The following SHROOM4 variants were observed in gnomAD, a reference collection of about 807,000 sequenced individuals.
The protein encoded by SHROOM4 is protein Shroom4.
Under a neutral mutation model 80.3 loss-of-function variants are expected in SHROOM4, and 17 were observed. That is an observed-to-expected ratio of 0.21 (90% CI 0.14 to 0.32). The LOEUF (loss-of-function observed/expected upper bound fraction) is 0.32. Among genes scored for constraint, SHROOM4 ranks in the 10% least tolerant of loss-of-function variants. The pLI, the probability that SHROOM4 is intolerant of heterozygous loss-of-function variation, is 1.00. For missense variants in SHROOM4, 993 were observed against 1,140.3 expected, an observed-to-expected ratio of 0.87 and a Z score of 1.86; for synonymous variants, 400 against 437.5, an observed-to-expected ratio of 0.91 and a Z score of 1.07.
chrX:50,633,955 GTCAGGTGCT>G lies in SHROOM4; in HGVS notation c.2109_2117del (p.Lys703_Asp706delinsAsn). 8.3e-7 allele frequency: 1 copy of G among 1,211,861 alleles called. No homozygotes were observed. The highest frequency in any genetic ancestry group is 1.1e-6 in the Non-Finnish European group (1 of 895,507). On this transcript the variant is annotated inframe_deletion, in exon 4 of 9. Coordinates refer to ENST00000376020, the MANE Select transcript of SHROOM4 (RefSeq NM_020717.5). ...CTTTCTCAGGGTCTGAGGAGGATGG[GTCAGGTGCT>G]TTCCACCAGGTGTTCAGGCCCAAAG...
chrX:50,780,932 G>T (rs1435962756), intron 1 of SHROOM4, among the ~76,000 whole-genome samples: 2 of 111,269 alleles, frequency 1.8e-5, no homozygotes, highest in Non-Finnish European at 3.8e-5. Flanking sequence ...TCTGTAAGCT[G>T]GGGGGAAAGC....
intron 1 of SHROOM4, among the ~76,000 whole-genome samples, chrX:50,799,280 A>G (rs999613317): frequency 1.4e-4 from 16 of 112,781 alleles, no homozygotes; most frequent in African/African-American, 5.2e-4. Flanking sequence ...TGATTGTGCT[A>G]AGGCCCTTTC....
intron 2 of SHROOM4, among the ~76,000 whole-genome samples, chrX:50,673,174 A>T (rs1358713642): frequency 1.8e-5 from 2 of 112,079 alleles, no homozygotes; most frequent in African/African-American, 6.5e-5. Flanking sequence ...TGAATTATCT[A>T]AGTTATGTTT....
intron 1 of SHROOM4, among the ~76,000 whole-genome samples, chrX:50,813,154 CGGCAGT>C (rs1569549444): frequency 3.7e-5 from 3 of 81,013 alleles, no homozygotes; most frequent in Non-Finnish European, 7.5e-5. Context: ...GCGGCGGCGG[CGGCAGT>C]GGCGGCGGCG....
At chrX:50,706,886 G>C (rs1275607676) in intron 1 of SHROOM4, among the ~76,000 whole-genome samples, 7 of 111,675 alleles carry the variant, frequency 6.3e-5, no homozygotes, top group Non-Finnish European at 1.3e-4. Context: ...ATAATAACTT[G>C]TATCCAGATA....
downstream of SHROOM4, among the ~76,000 whole-genome samples, chrX:50,586,386 G>A (rs1163593125): frequency 2.7e-5 from 3 of 111,756 alleles, no homozygotes; most frequent in Non-Finnish European, 5.6e-5. Flanking sequence ...ACCCAGGGAG[G>A]TGAGTTCCAT....
chrX:50,653,356 GCTCT>G (rs1932186510), intron 2 of SHROOM4, among the ~76,000 whole-genome samples: 2 of 110,930 alleles, frequency 1.8e-5, no homozygotes, highest in South Asian at 3.8e-4. Context: ...TCATGATTTG[GCTCT>G]CTGTTTGTCT....
intron 2 of SHROOM4, among the ~76,000 whole-genome samples, chrX:50,649,233 A>T (rs1295706118): frequency 8.9e-6 from 1 of 112,116 alleles, no homozygotes; most frequent in Non-Finnish European, 1.9e-5. Context: ...TTAGTTTGTT[A>T]TGCTAGCAAA....
chrX:50,613,672 A>G (rs1364556899), intron 5 of SHROOM4, among the ~76,000 whole-genome samples: 1 of 112,145 alleles, frequency 8.9e-6, no homozygotes, highest in African/African-American at 3.2e-5. Context: ...ATGCACATAA[A>G]TGAAAGGACT....
intron 6 of SHROOM4, among the ~76,000 whole-genome samples, chrX:50,605,056 C>T (rs1929604896): frequency 9.0e-6 from 1 of 111,627 alleles, no homozygotes; most frequent in Non-Finnish European, 1.9e-5. Flanking sequence ...ATCTATATGT[C>T]CCTTACAAAA....
chrX:50,750,750 A>G (rs1792384139), intron 1 of SHROOM4, among the ~76,000 whole-genome samples: 1 of 112,263 alleles, frequency 8.9e-6, no homozygotes, highest in Non-Finnish European at 1.9e-5. Context: ...CTATATGGGA[A>G]GCAATCTTAT....
In SHROOM4 at chrX:50,588,924, AGTAAATT is replaced by A. The variant is rs1319887910; in HGVS notation, c.*7764_*7770del. 8.9e-6 allele frequency among the ~76,000 whole-genome samples: 1 copy of A among 112,220 alleles called. No homozygotes were observed. Among genetic ancestry groups the A allele is most frequent in the Non-Finnish European group, 1.9e-5 (1 of 53,243 alleles). ...GTCAAGTAACTTATTAAGGTGACAC[AGTAAATT>A]GGTAGAATCAGGATTTAAAACTTGG... On this transcript the variant is annotated 3_prime_UTR_variant, in exon 9 of 9. Coordinates refer to ENST00000376020, the MANE Select transcript of SHROOM4 (RefSeq NM_020717.5).
chrX:50,784,671 T>C (rs1443057874), intron 1 of SHROOM4, among the ~76,000 whole-genome samples: 1 of 111,689 alleles, frequency 9.0e-6, no homozygotes, highest in East Asian at 2.8e-4. Flanking sequence ...TAGAAGAAAA[T>C]ATAAAAGAAA....
At chrX:50,811,963 A>G (rs1936340429) in intron 1 of SHROOM4, among the ~76,000 whole-genome samples, 1 of 110,340 alleles carries the variant, frequency 9.1e-6, no homozygotes, top group African/African-American at 3.3e-5. Flanking sequence ...ATAATCCCCC[A>G]GCCAGACCAC....
At chrX:50,733,296 G>A (rs1408630285) in intron 1 of SHROOM4, among the ~76,000 whole-genome samples, 3 of 111,648 alleles carry the variant, frequency 2.7e-5, no homozygotes, top group African/African-American at 9.8e-5. Context: ...AATCCACACT[G>A]CCATCATTTA....
chrX:50,652,580 A>T (rs1932143343), intron 2 of SHROOM4, among the ~76,000 whole-genome samples: 1 of 111,262 alleles, frequency 9.0e-6, no homozygotes, highest in African/African-American at 3.3e-5. Flanking sequence ...GTTTAATTAG[A>T]TCCTGTTTGT....
At chrX:50,804,555 T>TG (rs1200833964) in intron 1 of SHROOM4, among the ~76,000 whole-genome samples, 1 of 111,998 alleles carries the variant, frequency 8.9e-6, no homozygotes, top group African/African-American at 3.3e-5. Context: ...AGAAAGAGCA[T>TG]GGGATTTGAA....
chrX:50,783,865 C>T lies in SHROOM4; in HGVS notation c.117+30037G>A, dbSNP rs183834599. Reference sequence around the variant, plus strand: ...TGCTGGGATTACAGGTGTGAGACACCGTGCCCGGCCAGATTCTAAACTTTA... The same window carrying T: ...TGCTGGGATTACAGGTGTGAGACACTGTGCCCGGCCAGATTCTAAACTTTA... On this transcript the variant is annotated intron_variant, in intron 1 of 8. Transcript: ENST00000376020. Among the ~76,000 whole-genome samples, 110 of 111,590 alleles carry T rather than the reference C, an allele frequency of 9.9e-4. 1 individual carries two copies. Among genetic ancestry groups the T allele is most frequent in the Admixed American group, 1.5e-3 (16 of 10,542 alleles).
intron 1 of SHROOM4, among the ~76,000 whole-genome samples, chrX:50,756,953 G>C (rs1935051635): frequency 1.8e-5 from 2 of 111,653 alleles, no homozygotes; most frequent in African/African-American, 6.5e-5. Context: ...TCACTTTCTG[G>C]ATGGTATCTT....
Sources: gnomAD v4.1 joint callset for allele counts (sites outside exome capture counted in the v4.1 genomes callset) on GRCh38, gnomAD v4.1.1 for gene constraint, MANE v1.5 for transcripts, NCBI Gene and HGNC (gene_info 2026-07-23, HGNC 2026-07-21) for gene names.